Variants in NR6A1 observed in about 807,000 individuals in gnomAD.
The protein encoded by NR6A1 is retinoic acid receptor-related testis-associated receptor.
Under a neutral mutation model 59.1 loss-of-function variants are expected in NR6A1, and 7 were observed. That is an observed-to-expected ratio of 0.12 (90% CI 0.07 to 0.22). The LOEUF (loss-of-function observed/expected upper bound fraction) is 0.22, where lower values mean the gene tolerates loss of function less well. Ranked by LOEUF, NR6A1 falls within the 10% of genes least tolerant of loss-of-function variation. The pLI is 1.00. For missense variants in NR6A1, 468 were observed against 611.6 expected (o/e 0.77, Z 2.48); for synonymous variants, 243 against 236.1 (o/e 1.03, Z -0.27).
intron 2 of NR6A1, among the ~76,000 whole-genome samples, chr9:124,651,057 T>A (rs1837087063): frequency 6.6e-6 from 1 of 152,148 alleles, no homozygotes; most frequent in Non-Finnish European, 1.5e-5. Flanking sequence ...TTACTAGCTC[T>A]TTTTGTTTTT....
At chr9:124,706,109 G>C (rs890450238) in intron 2 of NR6A1, among the ~76,000 whole-genome samples, 1 of 152,028 alleles carries the variant, frequency 6.6e-6, no homozygotes, top group Non-Finnish European at 1.5e-5. Context: ...ATATTTTGTT[G>C]TTTACTTAGT....
chr9:124,687,291 A>ATTTATTTATTTATTTAT (rs1838365950), intron 2 of NR6A1, among the ~76,000 whole-genome samples: 1,796 of 142,158 alleles, frequency 0.013, 50 homozygotes, highest in African/African-American at 0.045. Context: ...CAGCTAATTA[A>ATTTATTTATTTATTTAT]TTATTTATTT....
In NR6A1 at chr9:124,614,455, C is replaced by G. The variant is rs1312213984; in HGVS notation, c.143-59885G>C. On this transcript the variant is annotated intron_variant, in intron 2 of 9. Coordinates refer to ENST00000487099, the MANE Select transcript of NR6A1 (RefSeq NM_033334.4). Reference sequence around the variant, plus strand: ...TATATATCCCCCAACAACTGGCCCTCGGGTATTCTAAGAGCACTGATTCAC... The same window carrying G: ...TATATATCCCCCAACAACTGGCCCTGGGGTATTCTAAGAGCACTGATTCAC... Among the ~76,000 whole-genome samples the G allele has an allele frequency of 2.0e-5, 3 of 152,122 alleles. 1 individual carries two copies. Among genetic ancestry groups the G allele is most frequent in the South Asian group, 4.1e-4 (2 of 4,828 alleles).
chr9:124,631,425 G>C (rs1401023171), intron 2 of NR6A1, among the ~76,000 whole-genome samples: 1 of 152,068 alleles, frequency 6.6e-6, no homozygotes, highest in African/African-American at 2.4e-5. Flanking sequence ...TTGCTACAAA[G>C]AGAAAACATT....
chr9:124,702,008 A>G (rs1838974213), intron 2 of NR6A1, among the ~76,000 whole-genome samples: 1 of 152,198 alleles, frequency 6.6e-6, no homozygotes, highest in East Asian at 1.9e-4. Context: ...TACAGGTGTG[A>G]GCCACCGCAC....
intron 2 of NR6A1, among the ~76,000 whole-genome samples, chr9:124,575,376 C>T (rs1252140617): frequency 6.6e-6 from 1 of 152,118 alleles, no homozygotes; most frequent in African/African-American, 2.4e-5. Flanking sequence ...GAGTTCGAGA[C>T]CAGCCTGGGC....
In NR6A1 at chr9:124,740,537, C is replaced by T. The variant is rs956744851; in HGVS notation, c.101-7188G>A. 2.0e-5 allele frequency among the ~76,000 whole-genome samples: 3 copies of T among 152,162 alleles called. No individual in the cohort carries two copies. In the East Asian group the frequency reaches 5.8e-4, roughly 29 times the overall value. On this transcript the variant is annotated intron_variant, in intron 1 of 9. Transcript: ENST00000487099. ...AAAATAGGTCTTGAAATTGCTCTGA[C>T]GAATTCTGTGTGACTCTTCTATGCT... is the stretch of plus-strand genomic sequence containing the variant.
At chr9:124,681,727 T>A (rs753353665) in intron 2 of NR6A1, among the ~76,000 whole-genome samples, 1 of 152,196 alleles carries the variant, frequency 6.6e-6, no homozygotes, top group Non-Finnish European at 1.5e-5. Flanking sequence ...TATTTAAAGA[T>A]GTATCTGATG....
intron 9 of NR6A1, among the ~76,000 whole-genome samples, chr9:124,524,100 A>G (rs1412472092): frequency 6.6e-6 from 1 of 152,186 alleles, no homozygotes; most frequent in African/African-American, 2.4e-5. Context: ...CAAATACAGG[A>G]TTTTAAACTT....
chr9:124,642,197 ACACCACCACGCC>A (rs1836786464), intron 2 of NR6A1, among the ~76,000 whole-genome samples: 1 of 151,930 alleles, frequency 6.6e-6, no homozygotes, highest in Non-Finnish European at 1.5e-5. Flanking sequence ...TTACAAGCGC[ACACCACCACGCC>A]CAGCTAATTT....
intron 1 of NR6A1, among the ~76,000 whole-genome samples, chr9:124,765,215 C>T (rs1000485591): frequency 2.0e-5 from 3 of 152,082 alleles, no homozygotes; most frequent in Non-Finnish European, 4.4e-5. Context: ...CACAAACTAC[C>T]CTGAATGAAA....
intron 2 of NR6A1, among the ~76,000 whole-genome samples, chr9:124,653,465 T>C (rs1837160724): frequency 6.6e-6 from 1 of 152,164 alleles, no homozygotes; most frequent in African/African-American, 2.4e-5. Context: ...TCCTGGAGTA[T>C]GGTGGCATCA....
chr9:124,637,313 A>T (rs1467625640), intron 2 of NR6A1, among the ~76,000 whole-genome samples: 1 of 152,204 alleles, frequency 6.6e-6, no homozygotes, highest in Admixed American at 6.5e-5. Context: ...GGAGACAGGA[A>T]TGTTGAAGAA....
chr9:124,744,614 G>A (rs539256335), intron 1 of NR6A1, among the ~76,000 whole-genome samples: 35 of 152,268 alleles, frequency 2.3e-4, no homozygotes, highest in African/African-American at 6.7e-4. Context: ...GGACCTCAAC[G>A]TCCAAGAAGA....
At chr9:124,539,477 A>AGAAAGGTTTCTGGGGAAAG (rs1370061294) in intron 5 of NR6A1, among the ~76,000 whole-genome samples, 1 of 152,254 alleles carries the variant, frequency 6.6e-6, no homozygotes, top group Non-Finnish European at 1.5e-5. Context: ...ATATCCTATA[A>AGAAAGGTTTCTGGGGAAAG]GAAAGGTTTC....
At chr9:124,666,111 G>GCTTTTT (rs1201267880) in intron 2 of NR6A1, among the ~76,000 whole-genome samples, 2 of 151,942 alleles carry the variant, frequency 1.3e-5, no homozygotes, top group African/African-American at 2.4e-5. Context: ...ATATCATGTG[G>GCTTTTT]CTTTTTCTTT....
At chr9:124,632,004 T>A (rs1312640508) in intron 2 of NR6A1, among the ~76,000 whole-genome samples, 5 of 152,234 alleles carry the variant, frequency 3.3e-5, no homozygotes, top group Non-Finnish European at 7.3e-5. Context: ...GATCTTGTAT[T>A]TTTTTCTTAT....
intron 2 of NR6A1, among the ~76,000 whole-genome samples, chr9:124,581,444 T>C (rs1171807265): frequency 6.6e-6 from 1 of 151,824 alleles, no homozygotes; most frequent in Non-Finnish European, 1.5e-5. Flanking sequence ...ATAGAAAAAT[T>C]AGCTGGGCAT....
chr9:124,532,139 G>T (rs1391095959), intron 7 of NR6A1, among the ~76,000 whole-genome samples: 1 of 152,138 alleles, frequency 6.6e-6, no homozygotes, highest in Non-Finnish European at 1.5e-5. Flanking sequence ...TTTCTCTCTA[G>T]TCAATTCTCC....
Sources: gnomAD v4.1 joint callset for allele counts (sites outside exome capture counted in the v4.1 genomes callset) on GRCh38, gnomAD v4.1.1 for gene constraint, MANE v1.5 for transcripts, NCBI Gene and HGNC (gene_info 2026-07-23, HGNC 2026-07-21) for gene names.